Variants in CREB5 observed in about 807,000 individuals in gnomAD.
CREB5 encodes cAMP responsive element binding protein 5, also known as cyclic AMP-responsive element-binding protein 5.
In CREB5, 19 loss-of-function variants were observed where a neutral mutation model predicts 57.1. That is an observed-to-expected ratio of 0.33 (90% CI 0.23 to 0.49). The LOEUF is 0.49. Among genes scored for constraint, CREB5 ranks in the 20% least tolerant of loss-of-function variants. The pLI, the probability that CREB5 is intolerant of heterozygous loss-of-function variation, is 0.99. For synonymous variants in CREB5, 238 were observed against 238.3 expected, an observed-to-expected ratio of 1.00 and a Z score of 0.01; for missense variants, 579 against 671.6, an observed-to-expected ratio of 0.86 and a Z score of 1.52.
chr7:28,410,140 G>C, upstream of CREB5: 2 of 388,900 alleles, frequency 5.1e-6, no homozygotes, highest in Non-Finnish European at 1.0e-5. Context: ...CCGGGCTGCC[G>C]GCTGCAGCGG....
chr7:28,630,765 T>A (rs1315731649), intron 5 of CREB5, among the ~76,000 whole-genome samples: 1 of 152,196 alleles, frequency 6.6e-6, no homozygotes, highest in Non-Finnish European at 1.5e-5. Flanking sequence ...TTCAACCATT[T>A]TCTACTTTGA....
chr7:28,709,275 C>T (rs1802282204), intron 5 of CREB5, among the ~76,000 whole-genome samples: 1 of 151,906 alleles, frequency 6.6e-6, no homozygotes, highest in South Asian at 2.1e-4. Flanking sequence ...AATGAAAGGT[C>T]TTTATAAAAA....
intron 4 of CREB5, among the ~76,000 whole-genome samples, chr7:28,550,941 C>T (rs1794614419): frequency 1.3e-5 from 2 of 152,182 alleles, no homozygotes; most frequent in African/African-American, 2.4e-5. Context: ...CTGAAGGCTT[C>T]AGTTGATGCC....
chr7:28,620,143 G>A (rs946081049), intron 5 of CREB5, among the ~76,000 whole-genome samples: 2 of 152,060 alleles, frequency 1.3e-5, no homozygotes, highest in African/African-American at 4.8e-5. Flanking sequence ...TATAGATAAG[G>A]GAAACAATTT....
intron 5 of CREB5, among the ~76,000 whole-genome samples, chr7:28,653,199 A>T (rs1422020681): frequency 6.6e-6 from 1 of 152,228 alleles, no homozygotes; most frequent in Non-Finnish European, 1.5e-5. Flanking sequence ...AGCCATCCAT[A>T]AATAAATTAT....
rs1185238651 is a variant in CREB5 at position 28,818,150 on chromosome 7, C to T, written c.1334C>T (p.Ala445Val). 1 of 1,613,096 alleles carries T rather than the reference C, an allele frequency of 6.2e-7. No individual in the cohort carries two copies. Residue 445 changes from alanine (A) to valine (V), a missense_variant, in exon 10 of 11, where the codon GCC (alanine) becomes GTC (valine). Ala to Val is a moderately conservative substitution (Grantham distance 64). Transcript: ENST00000357727. The part of the protein sequence containing the change: ...LLTHKDCPIT[A>V]MQKESQGYLS... ...ACACATAAAGACTGCCCAATAACAG[C>T]CATGCAGAAAGAATCACAAGGATAT...
intron 4 of CREB5, among the ~76,000 whole-genome samples, chr7:28,516,378 A>C (rs1432256410): frequency 5.3e-5 from 8 of 152,220 alleles, no homozygotes. Context: ...TTATAAACAC[A>C]GCCTCATGCT....
Position 28,560,859 on chromosome 7 carries a change from CGTGTGCCTGCGTGCGCGTGCGTGCGT to C in CREB5, c.292-9504_292-9479del, listed in dbSNP as rs1562797266. ...GTGTGTGTGTGCGCGTGTGTGTGTGCGTGTGCCTGCGTGCGCGTGCGTGCGTGCGTGTGTGTGCGTGCGCGCGTGCG... is the reference window on the plus strand; with the variant it reads ...GTGTGTGTGTGCGCGTGTGTGTGTGCGCGTGTGTGTGCGTGCGCGCGTGCG... On this transcript the variant is annotated intron_variant, in intron 4 of 10. Coordinates refer to ENST00000357727, the MANE Select transcript of CREB5 (RefSeq NM_182898.4). Among the ~76,000 whole-genome samples, 56 of 32,672 alleles carry C rather than the reference CGTGTGCCTGCGTGCGCGTGCGTGCGT, an allele frequency of 1.7e-3. 1 individual carries two copies. The highest frequency in any genetic ancestry group is 4.5e-3 in the African/African-American group (43 of 9,540). 21.4% of individuals were successfully genotyped at this position (32,672 alleles called of 152,430 possible). A position where few individuals can be genotyped will look rare whatever the true frequency, so the allele number is the denominator to read the frequency against.
At chr7:28,584,787 A>C (rs77816157) in intron 5 of CREB5, among the ~76,000 whole-genome samples, 1,799 of 152,258 alleles carry the variant, frequency 0.012, 36 homozygotes, top group African/African-American at 0.04. Context: ...GGTTAAAAAA[A>C]AAAAAAACTA....
At chr7:28,485,793 A>G (rs1791520805) in intron 1 of CREB5, among the ~76,000 whole-genome samples, 1 of 152,110 alleles carries the variant, frequency 6.6e-6, no homozygotes, top group East Asian at 1.9e-4. Flanking sequence ...TCTGTTGTTT[A>G]TTTTGTCTTG....
At chr7:28,396,771 A>G (rs1163847385) in intron 1 of CREB5, among the ~76,000 whole-genome samples, 1 of 152,190 alleles carries the variant, frequency 6.6e-6, no homozygotes, top group Non-Finnish European at 1.5e-5. Flanking sequence ...GCAAGTTCAG[A>G]AATACCCAGT....
At position 28,824,618 on chromosome 7, in the gene CREB5, A is replaced by G. The variant is rs965012478; in HGVS notation, c.*5339A>G. 3 of 152,618 alleles carry G rather than the reference A, an allele frequency of 2.0e-5. No individual in the cohort carries two copies. The highest frequency in any genetic ancestry group is 4.4e-5 in the Non-Finnish European group (3 of 68,032). The allele number at this position is 152,618 out of a possible 1,614,324, so 9.5% of individuals were successfully genotyped here. On this transcript the variant is annotated 3_prime_UTR_variant, in exon 11 of 11. Transcript: ENST00000357727. ...CACAAAGAAATTTAAAAAACAAAAA[A>G]CCTAGCTCATCATGTTGTGAAAATG...
chr7:28,605,298 T>C (rs908342521), intron 5 of CREB5, among the ~76,000 whole-genome samples: 2 of 152,230 alleles, frequency 1.3e-5, no homozygotes, highest in African/African-American at 4.8e-5. Flanking sequence ...GCAATGTTGA[T>C]AGATTCAAAA....
intron 5 of CREB5, among the ~76,000 whole-genome samples, chr7:28,660,704 A>G (rs115310595): frequency 0.011 from 1,618 of 151,952 alleles, 19 homozygotes; most frequent in South Asian, 0.034. Flanking sequence ...TTATGCCCCC[A>G]CCCCTTCACC....
intron 7 of CREB5, among the ~76,000 whole-genome samples, chr7:28,748,712 C>T (rs949858241): frequency 5.9e-5 from 9 of 152,144 alleles, no homozygotes; most frequent in East Asian, 3.9e-4. Flanking sequence ...TGAGTTACCA[C>T]GGCATGCCAG....
At chr7:28,643,045 C>T (rs1460559057) in intron 5 of CREB5, among the ~76,000 whole-genome samples, 1 of 147,898 alleles carries the variant, frequency 6.8e-6, no homozygotes, top group East Asian at 2.0e-4. Flanking sequence ...TTGGGCTTGT[C>T]TAGCCCCAAA....
At chr7:28,369,884 T>C (rs1048194090) in intron 1 of CREB5, among the ~76,000 whole-genome samples, 6 of 152,160 alleles carry the variant, frequency 3.9e-5, no homozygotes, top group Non-Finnish European at 8.8e-5. Flanking sequence ...AATGCTTCAA[T>C]AAATCATGGG....
intron 5 of CREB5, among the ~76,000 whole-genome samples, chr7:28,712,339 C>T (rs1802437035): frequency 6.6e-6 from 1 of 151,674 alleles, no homozygotes; most frequent in South Asian, 2.1e-4. Flanking sequence ...GAAACCCCGT[C>T]TCTCCTAAAA....
intron 1 of CREB5, among the ~76,000 whole-genome samples, chr7:28,335,710 T>C (rs1010339150): frequency 4.6e-5 from 7 of 152,176 alleles, no homozygotes; most frequent in African/African-American, 1.4e-4. Context: ...TCTTGTCTGA[T>C]TGCTCTAGCT....
Sources: allele counts gnomAD v4.1 joint callset (sites outside exome capture counted in the v4.1 genomes callset), GRCh38; gene constraint gnomAD v4.1.1; transcripts MANE v1.5; gene names NCBI Gene and HGNC (gene_info 2026-07-23, HGNC 2026-07-21).